The following CYB561D1 variants were observed in gnomAD, a reference collection of about 807,000 sequenced individuals.
The protein encoded by CYB561D1 is probable transmembrane reductase CYB561D1.
In CYB561D1, 15 loss-of-function variants were observed where a neutral mutation model predicts 19.2. That is an observed-to-expected ratio of 0.78 (90% CI 0.52 to 1.20). The LOEUF (loss-of-function observed/expected upper bound fraction) is 1.20. CYB561D1 is among the 50% of genes most tolerant of loss of function. CYB561D1 has a pLI of 0.00. For synonymous variants in CYB561D1, 133 were observed against 120.6 expected (o/e 1.10, Z -0.68); for missense variants, 297 against 287.3 (o/e 1.03, Z -0.24).
In CYB561D1 at chr1:109,498,583, A is replaced by T. The variant is rs569867097; in HGVS notation, c.*2324A>T. ...ACCACCTGCCCTCACATCCTGGGGC[A>T]GCAGCTGGACAGCCATTAGACCTCA... On this transcript the variant is annotated 3_prime_UTR_variant, in exon 3 of 3. Transcript: ENST00000420578. 6.6e-6 allele frequency: 1 copy of T among 152,224 alleles called. No individual in the cohort carries two copies. The highest frequency in any genetic ancestry group is 2.4e-5 in the African/African-American group (1 of 41,496). 9.4% of individuals were successfully genotyped at this position (152,224 alleles called of 1,614,324 possible).
At chr1:109,495,618 C>T (rs1471562473) in intron 2 of CYB561D1, 138 bp from the exon 3 acceptor site, 3 of 1,507,234 alleles carry the variant, frequency 2.0e-6, no homozygotes, top group Non-Finnish European at 2.7e-6. Flanking sequence ...AAATGTTGAG[C>T]TGTGAGGCTG....
rs540062421 is a variant in CYB561D1 at position 109,494,836 on chromosome 1, C to CAA, written c.149-298_149-297dup. Among the ~76,000 whole-genome samples, 420 of 136,096 alleles carry CAA rather than the reference C, an allele frequency of 3.1e-3. 5 individuals carry two copies. Among genetic ancestry groups the CAA allele is most frequent in the African/African-American group, 0.011 (401 of 35,932 alleles). 89.3% of individuals were successfully genotyped at this position (136,096 alleles called of 152,430 possible). A position where few individuals can be genotyped will look rare whatever the true frequency, so the allele number is the denominator to read the frequency against. ...TGTGCGACAGAGCGAGACTCCGTAT[C>CAA]AAAAAAAAAACAAAAAACAACAACC... On this transcript the variant is annotated intron_variant, in intron 1 of 2. Transcript: ENST00000420578.
Position 109,494,120 on chromosome 1 carries a change from C to CG in CYB561D1, c.-17dup, listed in dbSNP as rs1234688917. ...GACGTGTTCGGGCAGCTGGAGTGTA[C>CG]GGGCCCGCGGGCCACGGCCATGCAG... On this transcript the variant is annotated 5_prime_UTR_variant, in exon 1 of 3. Coordinates refer to ENST00000420578, the MANE Select transcript of CYB561D1 (RefSeq NM_182580.3). The CG allele has an allele frequency of 6.7e-7, 1 of 1,484,256 alleles. No homozygotes were observed. 91.9% of individuals were successfully genotyped at this position (1,484,256 alleles called of 1,614,324 possible).
intron 1 of CYB561D1, chr1:109,494,513 T>G (rs538574126): frequency 1.2e-5 from 19 of 1,529,356 alleles, no homozygotes; most frequent in Non-Finnish European, 1.6e-5. Context: ...CCGAACTACT[T>G]CCTCAGAAAC....
In CYB561D1 at chr1:109,499,547, A is replaced by T. The variant is rs1657783491; in HGVS notation, c.*3288A>T. On this transcript the variant is annotated 3_prime_UTR_variant, in exon 3 of 3. Transcript: ENST00000420578. ...TCCAGCTAATTTTTGTATTTTTAGT[A>T]GAGATGGGGTTTCACCATGTTGGCC... 6.6e-6 allele frequency: 1 copy of T among 152,110 alleles called. No individual in the cohort carries two copies. The highest frequency in any genetic ancestry group is 1.5e-5 in the Non-Finnish European group (1 of 68,078). The allele number at this position is 152,110 out of a possible 1,614,324, so 9.4% of individuals were successfully genotyped here. A position where few individuals can be genotyped will look rare whatever the true frequency, so the allele number is the denominator to read the frequency against.
At chr1:109,494,874 AAAC>A (rs1278265067) in intron 1 of CYB561D1, among the ~76,000 whole-genome samples, 2 of 123,540 alleles carry the variant, frequency 1.6e-5, no homozygotes, top group African/African-American at 4.3e-5. Flanking sequence ...AAAAAACAAA[AAAC>A]AAAAAAGGGG....
chr1:109,494,477 G>C (rs369789781), intron 1 of CYB561D1, 190 bp downstream of exon 1: 4 of 1,547,356 alleles, frequency 2.6e-6, no homozygotes, highest in Non-Finnish European at 1.7e-6. Flanking sequence ...TGGGTGCTGT[G>C]GGGGAAGGGC....
chr1:109,494,831 C>A (rs1437232296), intron 1 of CYB561D1, among the ~76,000 whole-genome samples: 2 of 147,832 alleles, frequency 1.4e-5, no homozygotes, highest in Non-Finnish European at 3.0e-5. Context: ...AGCGAGACTC[C>A]GTATCAAAAA....
At chr1:109,495,449 T>C (rs1432898553) in intron 2 of CYB561D1, among the ~76,000 whole-genome samples, 1 of 152,202 alleles carries the variant, frequency 6.6e-6, no homozygotes, top group Non-Finnish European at 1.5e-5. Context: ...AGAGGTGTTA[T>C]CCGGTCATCT....
chr1:109,495,939 G>T lies in CYB561D1; in HGVS notation c.370G>T (p.Val124Leu), dbSNP rs1401689238. Residue 124 changes from valine (V) to leucine (L), a missense_variant, in exon 3 of 3, where the codon GTG (valine) becomes TTG (leucine). Val to Leu is a conservative substitution (Grantham distance 32). Transcript: ENST00000420578. ...SRTRSELPHL[V>L]SWHSWVGALT... is the part of the protein sequence containing the mutation. ...GACCCGCAGTGAGCTGCCTCATCTGGTGTCCTGGCACAGCTGGGTGGGAGC... is the reference window on the plus strand; with the variant it reads ...GACCCGCAGTGAGCTGCCTCATCTGTTGTCCTGGCACAGCTGGGTGGGAGC... 1.2e-6 allele frequency: 2 copies of T among 1,613,938 alleles called. No individual in the cohort carries two copies. Among genetic ancestry groups the T allele is most frequent in the Admixed American group, 3.3e-5 (2 of 60,020 alleles).
rs770063883 is a variant in CYB561D1, at chr1:109,496,003, G to A, written c.434G>A (p.Gly145Glu). Residue 145 changes from glycine to glutamate, a missense_variant, in exon 3 of 3, where the codon GGG (glycine) becomes GAG (glutamate). By Grantham distance (98) the Gly-to-Glu change is moderately conservative. Coordinates refer to ENST00000420578, the MANE Select transcript of CYB561D1 (RefSeq NM_182580.3). ...LLATAVQALCGLCLLCPRAAR... is the reference protein window; with the variant it reads ...LLATAVQALCELCLLCPRAAR... ...GCCACTGCTGTCCAGGCACTGTGTG[G>A]GCTCTGCCTCCTTTGTCCCCGGGCA... is the stretch of plus-strand genomic sequence containing the variant. 12 of 1,609,012 alleles carry A rather than the reference G, an allele frequency of 7.5e-6. No individual in the cohort carries two copies. The highest frequency in any genetic ancestry group is 1.1e-5 in the South Asian group (1 of 90,750).
At position 109,498,431 on chromosome 1, in the gene CYB561D1, G is replaced by C. The variant is rs1327101421; in HGVS notation, c.*2172G>C. On this transcript the variant is annotated 3_prime_UTR_variant, in exon 3 of 3. Coordinates refer to ENST00000420578, the MANE Select transcript of CYB561D1 (RefSeq NM_182580.3). ...GGCACAGAGCAGAGAGGAGGGCACT[G>C]GTGGTCTCCTGCTTAGCCTGGTCTG... The C allele has an allele frequency of 6.6e-6, 1 of 152,446 alleles. No homozygotes were observed. Among genetic ancestry groups the C allele is most frequent in the Non-Finnish European group, 1.5e-5 (1 of 68,222 alleles). The allele number at this position is 152,446 out of a possible 1,614,324, so 9.4% of individuals were successfully genotyped here.
chr1:109,495,877 G>T lies in CYB561D1; in HGVS notation c.308G>T (p.Cys103Phe). Residue 103 changes from cysteine (C) to phenylalanine (F), a missense_variant, in exon 3 of 3, where the codon TGT becomes TTT. Transcript: ENST00000420578. ...GCAGGGCAGACCCTAGCCATCCTCT[G>T]TGCAGCTCTGGGCCTGGGCTTCATC... ...HWAGQTLAILCAALGLGFIIS... is the reference protein window; with the variant it reads ...HWAGQTLAILFAALGLGFIIS... 1 of 1,613,912 alleles carries T rather than the reference G, an allele frequency of 6.2e-7. No homozygotes were observed. The highest frequency in any genetic ancestry group is 8.5e-7 in the Non-Finnish European group (1 of 1,180,042).
rs775471295 is a variant in CYB561D1, at chr1:109,496,310, T to C, written c.*51T>C. The stretch of plus-strand genomic sequence containing the variant: ...GGGACGCTTGCCTTGAACATCATGG[T>C]TCCTTTGGTGATCTATAAGGGATCT... On this transcript the variant is annotated 3_prime_UTR_variant, in exon 3 of 3. Transcript: ENST00000420578. 7 of 1,519,072 alleles carry C rather than the reference T, an allele frequency of 4.6e-6. No individual in the cohort carries two copies. Among genetic ancestry groups the C allele is most frequent in the African/African-American group, 2.8e-5 (2 of 72,054 alleles). The allele number at this position is 1,519,072 out of a possible 1,614,324, so 94.1% of individuals were successfully genotyped here.
chr1:109,494,583 T>A (rs1166293551), intron 1 of CYB561D1: 1 of 1,395,562 alleles, frequency 7.2e-7, no homozygotes, highest in Non-Finnish European at 9.5e-7. Flanking sequence ...ATGCCTGAAA[T>A]CCCAGCACTT....
At chr1:109,495,080 C>T in intron 1 of CYB561D1, 63 bp from the exon 2 acceptor site, 1 of 1,571,726 alleles carries the variant, frequency 6.4e-7, no homozygotes, top group Non-Finnish European at 8.8e-7. Context: ...CTTTGGGTTC[C>T]ACCTAGCTAC....
In CYB561D1 at chr1:109,496,072, CAT is replaced by C. The variant is rs1207285222; in HGVS notation, c.504_505del (p.Cys169TrpfsTer67). ...GCTCGCCTCAAGCTCTACCATCTGA[CAT>C]GTGGACTGGTGGTCTACCTGATGGC... On this transcript the variant is annotated frameshift_variant, in exon 3 of 3. Coordinates refer to ENST00000420578, the MANE Select transcript of CYB561D1 (RefSeq NM_182580.3). LOFTEE classifies it high-confidence loss of function. The C allele has an allele frequency of 5.0e-6, 8 of 1,613,988 alleles. No individual in the cohort carries two copies. Among genetic ancestry groups the C allele is most frequent in the Middle Eastern group, 1.6e-4 (1 of 6,084 alleles).
chr1:109,496,378 G>C lies in CYB561D1; in HGVS notation c.*119G>C. ...GTTTTCGCACTTCTTGGCTGGTCCA[G>C]GGACTGCAGAAACCAAAGCTGCTAT... On this transcript the variant is annotated 3_prime_UTR_variant, in exon 3 of 3. Transcript: ENST00000420578. The C allele has an allele frequency of 8.3e-7, 1 of 1,203,798 alleles. No homozygotes were observed. Among genetic ancestry groups the C allele is most frequent in the Non-Finnish European group, 1.1e-6 (1 of 875,406 alleles). 74.6% of individuals were successfully genotyped at this position (1,203,798 alleles called of 1,614,324 possible).
chr1:109,495,011 T>A, intron 1 of CYB561D1, 132 bp from the exon 2 acceptor site: 1 of 1,086,120 alleles, frequency 9.2e-7, no homozygotes, highest in Non-Finnish European at 1.4e-6. Flanking sequence ...CTCCACTTTG[T>A]CCTTAGTTCC....
Sources: allele counts gnomAD v4.1 joint callset (sites outside exome capture counted in the v4.1 genomes callset), GRCh38; gene constraint gnomAD v4.1.1; transcripts MANE v1.5; gene names NCBI Gene and HGNC (gene_info 2026-07-23, HGNC 2026-07-21).